DPYD: variants seen among roughly 807,000 people sequenced by gnomAD.
DPYD encodes dihydropyrimidine dehydrogenase [NADP(+)].
Under a neutral mutation model 116.2 loss-of-function variants are expected in DPYD, and 109 were observed. That is an observed-to-expected ratio of 0.94 (90% CI 0.80 to 1.10). The LOEUF is 1.10. DPYD is among the 50% of genes least tolerant of loss of function. The pLI, the probability that DPYD is intolerant of heterozygous loss-of-function variation, is 0.00. For missense variants in DPYD, 1,302 were observed against 1,254.5 expected (o/e 1.04, Z -0.57); for synonymous variants, 440 against 432.0 (o/e 1.02, Z -0.23).
At chr1:97,117,321 T>G (rs1186204838) in intron 20 of DPYD, among the ~76,000 whole-genome samples, 3 of 152,220 alleles carry the variant, frequency 2.0e-5, no homozygotes, top group Non-Finnish European at 4.4e-5. Flanking sequence ...CAACTATATG[T>G]GAACGTATGG....
chr1:97,505,255 A>T (rs952245751), intron 13 of DPYD, among the ~76,000 whole-genome samples: 1 of 151,976 alleles, frequency 6.6e-6, no homozygotes, highest in East Asian at 1.9e-4. Context: ...ACCTCTTAAC[A>T]ACAGGTTCCC....
At chr1:97,860,557 T>C (rs1671065328) in intron 2 of DPYD, among the ~76,000 whole-genome samples, 1 of 152,044 alleles carries the variant, frequency 6.6e-6, no homozygotes, top group African/African-American at 2.4e-5. Flanking sequence ...CAAATTCCAG[T>C]AAATATGAGG....
chr1:97,082,219 A>G, intron 22 of DPYD, 111 bp downstream of exon 22: 1 of 1,327,872 alleles, frequency 7.5e-7, no homozygotes, highest in Non-Finnish European at 1.1e-6. Flanking sequence ...CAGAAGAGCA[A>G]TATTTGGCAC....
At chr1:97,556,023 A>G (rs1020475324) in intron 11 of DPYD, among the ~76,000 whole-genome samples, 4 of 152,226 alleles carry the variant, frequency 2.6e-5, no homozygotes, top group Non-Finnish European at 5.9e-5. Context: ...CGCCAAGTCC[A>G]GTGATTCTTC....
chr1:97,874,381 T>C (rs994152654), intron 2 of DPYD, among the ~76,000 whole-genome samples: 3 of 152,076 alleles, frequency 2.0e-5, no homozygotes, highest in Non-Finnish European at 4.4e-5. Context: ...ACTACAAATA[T>C]TTTACAAATC....
At chr1:97,455,735 T>C in intron 13 of DPYD, among the ~76,000 whole-genome samples, 1 of 152,076 alleles carries the variant, frequency 6.6e-6, no homozygotes, top group South Asian at 2.1e-4. Context: ...ATGAACTAAG[T>C]ATATTAATAT....
intron 20 of DPYD, among the ~76,000 whole-genome samples, chr1:97,177,063 C>G (rs1220562284): frequency 6.6e-6 from 1 of 152,020 alleles, no homozygotes; most frequent in Non-Finnish European, 1.5e-5. Context: ...GAAACTCATC[C>G]CCTGTTGTCT....
intron 3 of DPYD, chr1:97,774,906 T>A: frequency 3.5e-6 from 1 of 283,682 alleles, no homozygotes; most frequent in Non-Finnish European, 7.5e-6. Context: ...CTTTTGAATG[T>A]CCAAATCATC....
At chr1:97,423,210 C>T (rs567102640) in intron 14 of DPYD, among the ~76,000 whole-genome samples, 4 of 152,218 alleles carry the variant, frequency 2.6e-5, no homozygotes, top group Non-Finnish European at 4.4e-5. Flanking sequence ...TGCTCCAGCT[C>T]TCCTATGCTG....
chr1:97,288,306 G>T (rs999775170), intron 18 of DPYD, among the ~76,000 whole-genome samples: 1 of 150,766 alleles, frequency 6.6e-6, no homozygotes, highest in African/African-American at 2.4e-5. Context: ...GGATACACAG[G>T]AATTCAACTC....
intron 7 of DPYD, among the ~76,000 whole-genome samples, chr1:97,689,613 A>T (rs907730901): frequency 1.3e-5 from 2 of 152,084 alleles, no homozygotes; most frequent in African/African-American, 4.8e-5. Flanking sequence ...CCACAAAAAT[A>T]GTTCATTTCA....
At chr1:97,106,673 T>A (rs565083663) in intron 20 of DPYD, among the ~76,000 whole-genome samples, 2 of 152,080 alleles carry the variant, frequency 1.3e-5, no homozygotes, top group African/African-American at 4.8e-5. Flanking sequence ...GAGTTAAGTA[T>A]GCCATTGGCT....
chr1:97,147,480 G>A (rs1654712098), intron 20 of DPYD, among the ~76,000 whole-genome samples: 1 of 152,190 alleles, frequency 6.6e-6, no homozygotes. Flanking sequence ...ATCACTGAAT[G>A]CTCTGAATCA....
chr1:97,215,995 T>C (rs1215924167), intron 19 of DPYD, among the ~76,000 whole-genome samples: 3 of 152,202 alleles, frequency 2.0e-5, no homozygotes, highest in South Asian at 4.1e-4. Flanking sequence ...CTACACACTA[T>C]TGATCTACAA....
chr1:97,817,873 A>G (rs530150720), intron 3 of DPYD, among the ~76,000 whole-genome samples: 4 of 152,176 alleles, frequency 2.6e-5, no homozygotes, highest in Admixed American at 2.6e-4. Context: ...ATTAAAGCTA[A>G]TCCTCACAGT....
intron 16 of DPYD, among the ~76,000 whole-genome samples, chr1:97,357,044 T>C (rs550568748): frequency 6.6e-6 from 1 of 152,344 alleles, no homozygotes; most frequent in South Asian, 2.1e-4. Context: ...ATATTTTCTA[T>C]GTCTATGAAA....
rs114370525 is a variant in DPYD at position 97,373,794 on chromosome 1, T to C, written c.1975-150A>G. 1,777 of 683,964 alleles carry C rather than the reference T, an allele frequency of 2.6e-3. 30 individuals are homozygous for C. The African/African-American group carries it at 0.029, about 11-fold the overall frequency. The allele number at this position is 683,964 out of a possible 1,614,324, so 42.4% of individuals were successfully genotyped here. On this transcript the variant is annotated intron_variant, in intron 15 of 22. Transcript: ENST00000370192. ...TATCTTGTGAGGTATAGTCTCTCTC[T>C]CTCAAATTAAGGTCTATATAACAAC...
intron 8 of DPYD, among the ~76,000 whole-genome samples, chr1:97,653,594 C>T (rs1447122942): frequency 2.6e-5 from 4 of 152,096 alleles, no homozygotes; most frequent in Admixed American, 6.5e-5. Flanking sequence ...TGAGACACCA[C>T]GCCCAGCCAA....
chr1:97,514,784 T>C (rs149875286), intron 13 of DPYD, among the ~76,000 whole-genome samples: 1,888 of 151,954 alleles, frequency 0.012, 24 homozygotes, highest in Middle Eastern at 0.024. Flanking sequence ...CTTGTAAAGC[T>C]GTCAGAGTAA....
Sources: gnomAD v4.1 joint callset for allele counts (sites outside exome capture counted in the v4.1 genomes callset) on GRCh38, gnomAD v4.1.1 for gene constraint, MANE v1.5 for transcripts, NCBI Gene and HGNC (gene_info 2026-07-23, HGNC 2026-07-21) for gene names.